Variants in FHIT observed in about 807,000 individuals in gnomAD.
FHIT encodes the protein fragile histidine triad diadenosine triphosphatase, also known as bis(5'-adenosyl)-triphosphatase.
FHIT carries 19 observed loss-of-function variants against 17.9 expected under a neutral mutation model. The ratio of observed to expected loss-of-function variants is 1.06; its 90% CI spans 0.74 to 1.56. The LOEUF (loss-of-function observed/expected upper bound fraction) is 1.56. FHIT is among the 40% of genes most tolerant of loss of function. The pLI is 0.00. For missense variants in FHIT, 248 were observed against 189.2 expected, an observed-to-expected ratio of 1.31 and a Z score of -1.82; for synonymous variants, 81 against 69.7, an observed-to-expected ratio of 1.16 and a Z score of -0.81.
intron 4 of FHIT, among the ~76,000 whole-genome samples, chr3:60,782,918 C>T (rs782595248): frequency 1.8e-4 from 28 of 152,142 alleles, no homozygotes; most frequent in Non-Finnish European, 2.9e-4. Context: ...CCATTCATGA[C>T]GGCTCTGTCC....
intron 5 of FHIT, among the ~76,000 whole-genome samples, chr3:60,398,000 G>T (rs1302490635): frequency 6.6e-5 from 10 of 152,014 alleles, no homozygotes; most frequent in Non-Finnish European, 1.3e-4. Flanking sequence ...CCCACTTTCG[G>T]GTAGGGGAAC....
At chr3:60,461,076 A>AAAATACTCTT (rs2032430915) in intron 5 of FHIT, among the ~76,000 whole-genome samples, 1 of 151,932 alleles carries the variant, frequency 6.6e-6, no homozygotes, top group Admixed American at 6.5e-5. Context: ...AACGGCAAAA[A>AAAATACTCTT]AATACTCTTC....
intron 5 of FHIT, among the ~76,000 whole-genome samples, chr3:60,151,513 C>T (rs767909622): frequency 6.6e-5 from 10 of 152,146 alleles, no homozygotes; most frequent in African/African-American, 9.7e-5. Flanking sequence ...CACAGCACTA[C>T]TTAACACCTC....
intron 8 of FHIT, among the ~76,000 whole-genome samples, chr3:59,879,745 G>T (rs955062323): frequency 6.6e-6 from 1 of 152,176 alleles, no homozygotes; most frequent in African/African-American, 2.4e-5. Flanking sequence ...CACAGCAATT[G>T]CTGGGTCCAC....
intron 6 of FHIT, among the ~76,000 whole-genome samples, chr3:60,013,111 C>G (rs17061776): frequency 0.023 from 3,497 of 152,266 alleles, 127 homozygotes; most frequent in African/African-American, 0.079. Flanking sequence ...AGAAAAAAAT[C>G]TGTTTGAGAA....
intron 4 of FHIT, among the ~76,000 whole-genome samples, chr3:60,793,808 T>C (rs115101616): frequency 7.8e-4 from 118 of 152,184 alleles, no homozygotes; most frequent in African/African-American, 2.7e-3. Flanking sequence ...ATCCTGGGGG[T>C]TCCTAAACTC....
intron 1 of FHIT, among the ~76,000 whole-genome samples, chr3:61,209,287 G>T (rs938144705): frequency 2.6e-5 from 4 of 152,112 alleles, no homozygotes; most frequent in South Asian, 4.1e-4. Flanking sequence ...ATCTGACAAT[G>T]AAGTGTCTTG....
Position 61,014,807 on chromosome 3 carries a change from A to AAATATAT in FHIT, c.-111+27239_-111+27240insATATATT, listed in dbSNP as rs1553798839. On this transcript the variant is annotated intron_variant, in intron 3 of 9. Coordinates refer to ENST00000492590, the MANE Select transcript of FHIT (RefSeq NM_002012.4). ...AAAAAAAAAAAAAAAAAAAAAAAAA[A>AAATATAT]ATATATATATATATATATGTATACA... Among the ~76,000 whole-genome samples, 131 of 49,054 alleles carry AAATATAT rather than the reference A, an allele frequency of 2.7e-3. 6 individuals are homozygous for AAATATAT. The highest frequency in any genetic ancestry group is 6.7e-3 in the African/African-American group (123 of 18,494). 32.2% of individuals were successfully genotyped at this position (49,054 alleles called of 152,430 possible). A position where few individuals can be genotyped will look rare whatever the true frequency, so the allele number is the denominator to read the frequency against.
At chr3:60,222,435 T>C (rs1704004846) in intron 5 of FHIT, among the ~76,000 whole-genome samples, 1 of 152,190 alleles carries the variant, frequency 6.6e-6, no homozygotes, top group South Asian at 2.1e-4. Flanking sequence ...TTCACCTTTT[T>C]ACAATAGCCT....
intron 2 of FHIT, among the ~76,000 whole-genome samples, chr3:61,100,776 A>G (rs2035795105): frequency 6.6e-6 from 1 of 152,198 alleles, no homozygotes; most frequent in South Asian, 2.1e-4. Context: ...ATCGTATCTC[A>G]TCGTGGTTTT....
At chr3:60,670,009 A>G (rs2040473948) in intron 4 of FHIT, among the ~76,000 whole-genome samples, 1 of 152,072 alleles carries the variant, frequency 6.6e-6, no homozygotes, top group African/African-American at 2.4e-5. Context: ...CACTGTGTGG[A>G]TTTGCTTTTT....
intron 3 of FHIT, among the ~76,000 whole-genome samples, chr3:60,987,772 G>A (rs2029866011): frequency 6.6e-6 from 1 of 152,118 alleles, no homozygotes; most frequent in South Asian, 2.1e-4. Flanking sequence ...AATCAGACAA[G>A]GACCAAAGGC....
intron 5 of FHIT, among the ~76,000 whole-genome samples, chr3:60,445,547 G>A (rs2031271520): frequency 6.6e-6 from 1 of 151,982 alleles, no homozygotes; most frequent in African/African-American, 2.4e-5. Context: ...TCTGGTTTAC[G>A]AAGGCCTATC....
intron 5 of FHIT, among the ~76,000 whole-genome samples, chr3:60,509,623 G>T (rs1034446788): frequency 2.0e-5 from 3 of 151,554 alleles, no homozygotes; most frequent in Non-Finnish European, 4.4e-5. Context: ...CTGCTATTTT[G>T]CTATTCGCAA....
rs77268219 is a variant in FHIT, at chr3:60,878,244, G to A, written c.-110-56233C>T. On this transcript the variant is annotated intron_variant, in intron 3 of 9. Transcript: ENST00000492590. ...CCTATATTTGACCCAGCTACAGAGA[G>A]TGAACCTGTACCCCAGGACCCAAGA... 5.8e-3 allele frequency among the ~76,000 whole-genome samples: 888 copies of A among 152,072 alleles called. 10 individuals are homozygous for A. The highest frequency in any genetic ancestry group is 0.02 in the African/African-American group (845 of 41,502).
chr3:60,191,676 A>G lies in FHIT; in HGVS notation c.104-177524T>C, dbSNP rs75619278. 6.0e-3 allele frequency among the ~76,000 whole-genome samples: 912 copies of G among 152,326 alleles called. 10 individuals carry two copies. The highest frequency in any genetic ancestry group is 7.9e-3 in the Non-Finnish European group (536 of 68,024). ...CAAATGTTATTTTGGGAAAGTGAGG[A>G]CATTGAAAAGAATGTGAACCCTACC... On this transcript the variant is annotated intron_variant, in intron 5 of 9. Transcript: ENST00000492590.
chr3:60,327,867 G>C (rs1426971985), intron 5 of FHIT, among the ~76,000 whole-genome samples: 1 of 152,112 alleles, frequency 6.6e-6, no homozygotes, highest in Non-Finnish European at 1.5e-5. Flanking sequence ...TAATGGAGGG[G>C]CTGGCAGGCG....
chr3:61,102,515 C>CT (rs1489463953), intron 2 of FHIT, among the ~76,000 whole-genome samples: 1 of 152,082 alleles, frequency 6.6e-6, no homozygotes, highest in African/African-American at 2.4e-5. Context: ...CTAAAATTCT[C>CT]TTTTTTTGTT....
chr3:59,943,835 T>C (rs1706659494), intron 7 of FHIT, among the ~76,000 whole-genome samples: 1 of 152,202 alleles, frequency 6.6e-6, no homozygotes, highest in South Asian at 2.1e-4. Flanking sequence ...GCCCTGGAAC[T>C]AGACTCCTTG....
Sources: allele counts gnomAD v4.1 joint callset (sites outside exome capture counted in the v4.1 genomes callset), GRCh38; gene constraint gnomAD v4.1.1; transcripts MANE v1.5; gene names NCBI Gene and HGNC (gene_info 2026-07-23, HGNC 2026-07-21).